Variants in GPAM observed in about 807,000 individuals in gnomAD.
The protein encoded by GPAM is glycerol-3-phosphate acyltransferase, mitochondrial, also known as glycerol-3-phosphate acyltransferase 1, mitochondrial.
In GPAM, 56 loss-of-function variants were observed where a neutral mutation model predicts 105.0. The observed-to-expected ratio is 0.53, with a 90% CI of 0.43 to 0.67. GPAM has a LOEUF of 0.67. GPAM is among the 30% of genes least tolerant of loss of function. The pLI is 0.00. For missense variants in GPAM, 855 were observed against 989.8 expected (o/e 0.86, Z 1.83); for synonymous variants, 368 against 354.4 (o/e 1.04, Z -0.43).
chr10:112,191,980 G>A (rs967324304), intron 1 of GPAM, among the ~76,000 whole-genome samples: 4 of 152,168 alleles, frequency 2.6e-5, no homozygotes, highest in African/African-American at 7.2e-5. Context: ...AGTATGTCAT[G>A]AAAGGAATGG....
At position 112,159,976 on chromosome 10, in the gene GPAM, C is replaced by A. The variant is rs1245246835; in HGVS notation, c.1837G>T (p.Glu613Ter). The A allele has an allele frequency of 6.2e-7, 1 of 1,613,892 alleles. No individual in the cohort carries two copies. The highest frequency in any genetic ancestry group is 1.3e-5 in the African/African-American group (1 of 74,918). ...CTGGCCGCCTTCCGCACCAGCTGCT[C>A]CTGGCTGATCAGGTTAGGTGGGGTG... ...TSTPPNLISQ[E>*]QLVRKAASLC... The change falls in exon 17 of 22, where the codon GAG (glutamate) becomes TAG (stop). Residue 613 changes from glutamate to a stop codon, truncating the protein, a stop_gained. Transcript: ENST00000348367. LOFTEE classifies it high-confidence loss of function.
intron 1 of GPAM, among the ~76,000 whole-genome samples, chr10:112,195,187 T>G (rs1847708967): frequency 6.6e-6 from 1 of 152,106 alleles, no homozygotes; most frequent in Non-Finnish European, 1.5e-5. Context: ...CATTTGAAAA[T>G]GCATCATGCC....
chr10:112,226,156 C>A, the GPAM span, among the ~76,000 whole-genome samples: 1 of 152,288 alleles, frequency 6.6e-6, no homozygotes, highest in South Asian at 2.1e-4. Context: ...ACATAAAAGT[C>A]ATCTAGTTTG....
chr10:112,165,130 C>A (rs1173985226), intron 12 of GPAM, among the ~76,000 whole-genome samples: 1 of 152,196 alleles, frequency 6.6e-6, no homozygotes, highest in African/African-American at 2.4e-5. Context: ...TCTACCACAG[C>A]AGCTGGAATC....
At chr10:112,199,560 G>A (rs1847768006) in intron 1 of GPAM, among the ~76,000 whole-genome samples, 1 of 152,184 alleles carries the variant, frequency 6.6e-6, no homozygotes, top group South Asian at 2.1e-4. Context: ...AAAAAATTAA[G>A]TATGTGAGGT....
intron 1 of GPAM, among the ~76,000 whole-genome samples, chr10:112,213,335 G>T (rs1847933656): frequency 6.6e-6 from 1 of 152,152 alleles, no homozygotes; most frequent in Admixed American, 6.5e-5. Context: ...TCATTAAATG[G>T]GTTGACACTC....
At chr10:112,172,117 TA>T in intron 9 of GPAM, 64 bp downstream of exon 9, 1 of 1,210,202 alleles carries the variant, frequency 8.3e-7, no homozygotes, top group Non-Finnish European at 1.2e-6. Flanking sequence ...AGCTATAATT[TA>T]AAAAATTAAA....
At position 112,172,222 on chromosome 10, in the gene GPAM, A is replaced by G; in HGVS notation, c.754T>C (p.Tyr252His). The G allele has an allele frequency of 6.2e-7, 1 of 1,609,030 alleles. No individual in the cohort carries two copies. The highest frequency in any genetic ancestry group is 8.5e-7 in the Non-Finnish European group (1 of 1,175,430). The change falls in exon 9 of 22, where the codon TAC (tyrosine) becomes CAC (histidine). Residue 252 changes from tyrosine to histidine, a missense_variant. Coordinates refer to ENST00000348367, the MANE Select transcript of GPAM (RefSeq NM_001244949.2). ...TTGAGATTATTGCCTGAAGCAATGT[A>G]TGGTGCTTTGATGTTATGGCAGAAG... ...ILFCHNIKAP[Y>H]IASGNNLNIP...
intron 3 of GPAM, 77 bp downstream of exon 3, chr10:112,181,606 A>G (rs1042501609): frequency 3.4e-5 from 28 of 815,426 alleles, no homozygotes; most frequent in Middle Eastern, 4.4e-4. Flanking sequence ...TGTTGCTGCC[A>G]GTATTTGCAC....
intron 1 of GPAM, among the ~76,000 whole-genome samples, chr10:112,183,485 A>T (rs1028077370): frequency 3.3e-5 from 5 of 152,222 alleles, no homozygotes; most frequent in African/African-American, 1.2e-4. Flanking sequence ...GCCCCAGCGC[A>T]GTCTCCCCAG....
At chr10:112,173,521 CA>C (rs1251923855) in intron 7 of GPAM, among the ~76,000 whole-genome samples, 177 bp downstream of exon 7, 2 of 152,232 alleles carry the variant, frequency 1.3e-5, no homozygotes, top group African/African-American at 4.8e-5. Context: ...AAGCCTACCA[CA>C]GTGCTACTTT....
upstream of GPAM, among the ~76,000 whole-genome samples, chr10:112,217,118 C>T (rs1847979403): frequency 6.6e-6 from 1 of 152,160 alleles, no homozygotes; most frequent in Non-Finnish European, 1.5e-5. Flanking sequence ...AACATTCCAT[C>T]ACCCCATAAA....
intron 1 of GPAM, among the ~76,000 whole-genome samples, chr10:112,212,454 G>A (rs1221873985): frequency 3.3e-5 from 5 of 152,010 alleles, no homozygotes; most frequent in East Asian, 1.9e-4. Flanking sequence ...CAGTAGAGAC[G>A]GGATTTCACC....
chr10:112,221,585 G>C, the GPAM span, among the ~76,000 whole-genome samples: 1 of 152,132 alleles, frequency 6.6e-6, no homozygotes, highest in Non-Finnish European at 1.5e-5. Context: ...TATAAGATAA[G>C]GCATTTAAGT....
chr10:112,220,228 G>A (rs575354751), upstream of GPAM, among the ~76,000 whole-genome samples: 1 of 151,800 alleles, frequency 6.6e-6, no homozygotes, highest in Admixed American at 6.5e-5. Context: ...CCATTCCCTG[G>A]CCCACCAAAC....
intron 9 of GPAM, among the ~76,000 whole-genome samples, chr10:112,169,247 T>C (rs1214994899): frequency 6.6e-6 from 1 of 152,182 alleles, no homozygotes; most frequent in Non-Finnish European, 1.5e-5. Context: ...AGTATAGATT[T>C]TAAGAGGATT....
chr10:112,163,842 C>G (rs759896958), intron 13 of GPAM, 26 bp from the exon 14 acceptor site: 1 of 1,005,786 alleles, frequency 9.9e-7, no homozygotes, highest in Non-Finnish European at 1.6e-6. Flanking sequence ...AAAATCAACA[C>G]ACAACCGCAC....
chr10:112,222,338 G>A, the GPAM span, among the ~76,000 whole-genome samples: 1 of 152,114 alleles, frequency 6.6e-6, no homozygotes, highest in Admixed American at 6.5e-5. Context: ...CAAGATTCTA[G>A]TCATTAAGAG....
At position 112,152,711 on chromosome 10, in the gene GPAM, G is replaced by C; in HGVS notation, c.*839C>G. ...CTGTGAGAGGCAGGTATTACCTGAG[G>C]GGTGGACGAGGTACAGACATAAAAC... On this transcript the variant is annotated 3_prime_UTR_variant, in exon 22 of 22. Coordinates refer to ENST00000348367, the MANE Select transcript of GPAM (RefSeq NM_001244949.2). 1 of 983,752 alleles carries C rather than the reference G, an allele frequency of 1.0e-6. No individual in the cohort carries two copies. Among genetic ancestry groups the C allele is most frequent in the South Asian group, 4.7e-5 (1 of 21,256 alleles). 60.9% of individuals were successfully genotyped at this position (983,752 alleles called of 1,614,324 possible). A position where few individuals can be genotyped will look rare whatever the true frequency, so the allele number is the denominator to read the frequency against.
Sources: allele counts gnomAD v4.1 joint callset (sites outside exome capture counted in the v4.1 genomes callset), GRCh38; gene constraint gnomAD v4.1.1; transcripts MANE v1.5; gene names NCBI Gene and HGNC (gene_info 2026-07-23, HGNC 2026-07-21).